Variants in ARHGEF26 observed in about 807,000 individuals in gnomAD.
ARHGEF26 encodes the protein Rho guanine nucleotide exchange factor 26.
Under a neutral mutation model 89.4 loss-of-function variants are expected in ARHGEF26, and 59 were observed. The ratio of observed to expected loss-of-function variants is 0.66; its 90% CI spans 0.54 to 0.82. The LOEUF is 0.82. Among genes scored for constraint, ARHGEF26 ranks in the 40% least tolerant of loss-of-function variants. The pLI is 0.00. For synonymous variants in ARHGEF26, 500 were observed against 428.4 expected (o/e 1.17, Z -2.06); for missense variants, 1,234 against 1,085.6 (o/e 1.14, Z -1.92).
In ARHGEF26 at chr3:154,122,544, T is replaced by C; in HGVS notation, c.552T>C (p.Ser184=). ...ATGGCCTTGCCGCTAATAACGACTC[T>C]CCTGGGTCAGGTTCGCAGTCCGGCC... is the stretch of plus-strand genomic sequence containing the variant. ...TANGLAANND[S]PGSGSQSGRK... The change falls in exon 2 of 15, where the codon TCT becomes TCC. Residue 184 remains serine, a synonymous_variant. Coordinates refer to ENST00000465093, the MANE Select transcript of ARHGEF26 (RefSeq NM_015595.4). The C allele has an allele frequency of 1.9e-6, 3 of 1,613,486 alleles. No homozygotes were observed. Among genetic ancestry groups the C allele is most frequent in the Non-Finnish European group, 2.5e-6 (3 of 1,179,892 alleles).
intron 4 of ARHGEF26, among the ~76,000 whole-genome samples, chr3:154,138,506 A>G (rs955249436): frequency 6.6e-6 from 1 of 152,108 alleles, no homozygotes; most frequent in African/African-American, 2.4e-5. Context: ...TGAGTGGTAG[A>G]TCTGCCAATA....
intron 12 of ARHGEF26, among the ~76,000 whole-genome samples, chr3:154,249,130 TA>T (rs1299043235): frequency 3.3e-5 from 5 of 152,236 alleles, no homozygotes. Context: ...AACTAAGGGC[TA>T]TTTTTTTCTA....
chr3:154,143,943 G>A (rs972967266), intron 4 of ARHGEF26, among the ~76,000 whole-genome samples: 5 of 152,266 alleles, frequency 3.3e-5, no homozygotes, highest in African/African-American at 1.2e-4. Flanking sequence ...ATAAATTTTA[G>A]TCCAGGCTCA....
At chr3:154,202,869 A>C (rs1457702194) in intron 9 of ARHGEF26, among the ~76,000 whole-genome samples, 1 of 151,996 alleles carries the variant, frequency 6.6e-6, no homozygotes, top group East Asian at 1.9e-4. Context: ...ACTTCGCTGA[A>C]GTTGCCTATC....
chr3:154,250,786 T>C (rs1388604011), intron 12 of ARHGEF26, among the ~76,000 whole-genome samples: 1 of 152,242 alleles, frequency 6.6e-6, no homozygotes, highest in Admixed American at 6.5e-5. Flanking sequence ...TGAGGTATTT[T>C]GTTTTCGATT....
intron 9 of ARHGEF26, among the ~76,000 whole-genome samples, chr3:154,196,886 G>GAA (rs199937762): frequency 2.7e-4 from 37 of 138,584 alleles, no homozygotes; most frequent in African/African-American, 9.3e-4. Flanking sequence ...CTAAGAAATT[G>GAA]AAAAAAAAAA....
intron 4 of ARHGEF26, among the ~76,000 whole-genome samples, chr3:154,142,614 G>A (rs959789351): frequency 5.3e-5 from 8 of 152,066 alleles, no homozygotes; most frequent in African/African-American, 1.9e-4. Flanking sequence ...TTGTTTTGGA[G>A]TTTCTCATTC....
chr3:154,147,340 G>A (rs1422862756), intron 4 of ARHGEF26, among the ~76,000 whole-genome samples: 2 of 152,216 alleles, frequency 1.3e-5, no homozygotes, highest in Admixed American at 1.3e-4. Flanking sequence ...GAACCCAGAA[G>A]GTGGAGGCTG....
At chr3:154,191,832 G>A (rs529738210) in intron 8 of ARHGEF26, among the ~76,000 whole-genome samples, 19 of 152,282 alleles carry the variant, frequency 1.2e-4, no homozygotes, top group African/African-American at 4.6e-4. Context: ...GGTGCCCTGG[G>A]CCTTCCATTT....
In ARHGEF26 at chr3:154,229,972, C is replaced by T. The variant is rs185171402; in HGVS notation, c.2090+3962C>T. Among the ~76,000 whole-genome samples the T allele has an allele frequency of 1.6e-3, 248 of 152,302 alleles. 2 individuals carry two copies. The highest frequency in any genetic ancestry group is 2.6e-3 in the Admixed American group (40 of 15,302). ...AACTTATTATAATAAAGATGAATTA[C>T]AGACTGTACCTTCATGTATAACCTA... On this transcript the variant is annotated intron_variant, in intron 11 of 14. Coordinates refer to ENST00000465093, the MANE Select transcript of ARHGEF26 (RefSeq NM_015595.4).
chr3:154,255,629 TGA>T lies in ARHGEF26; in HGVS notation c.*159_*160del. 23 of 1,439,472 alleles carry T rather than the reference TGA, an allele frequency of 1.6e-5. No individual in the cohort carries two copies. The highest frequency in any genetic ancestry group is 2.1e-5 in the Non-Finnish European group (23 of 1,102,996). The allele number at this position is 1,439,472 out of a possible 1,614,324, so 89.2% of individuals were successfully genotyped here. On this transcript the variant is annotated 3_prime_UTR_variant, in exon 15 of 15. Coordinates refer to ENST00000465093, the MANE Select transcript of ARHGEF26 (RefSeq NM_015595.4). ...CTTGCCAGGTTGTTCTGCTCTCTCA[TGA>T]GAAGAGCTTGGATACAGTGAGTTTG... is the stretch of plus-strand genomic sequence containing the variant.
intron 4 of ARHGEF26, among the ~76,000 whole-genome samples, chr3:154,135,974 T>C (rs2108061058): frequency 6.6e-6 from 1 of 152,322 alleles, no homozygotes; most frequent in Non-Finnish European, 1.5e-5. Context: ...ATTTGCCAGC[T>C]GTGCCCTGAC....
Position 154,257,082 on chromosome 3 carries a change from A to C in ARHGEF26, c.*1609A>C. 1.5e-6 allele frequency: 2 copies of C among 1,336,536 alleles called. No individual in the cohort carries two copies. The highest frequency in any genetic ancestry group is 2.7e-5 in the East Asian group (1 of 37,058). 82.8% of individuals were successfully genotyped at this position (1,336,536 alleles called of 1,614,324 possible). On this transcript the variant is annotated 3_prime_UTR_variant, in exon 15 of 15. Coordinates refer to ENST00000465093, the MANE Select transcript of ARHGEF26 (RefSeq NM_015595.4). ...TACTGTCCGCTAACTAGTTATCCAA[A>C]TTGTAAAGCTACAGAAGCCCAGTTG...
chr3:154,191,109 TA>T (rs1713927452), intron 7 of ARHGEF26, among the ~76,000 whole-genome samples, 179 bp from the exon 8 acceptor site: 1 of 152,250 alleles, frequency 6.6e-6, no homozygotes, highest in Non-Finnish European at 1.5e-5. Flanking sequence ...GCCTTGAATA[TA>T]AAAGGCAGAC....
intron 11 of ARHGEF26, among the ~76,000 whole-genome samples, chr3:154,239,289 AGAGAGAGAGAGTGTGTGTGTGT>A (rs769132373): frequency 0.19 from 19,210 of 100,118 alleles, 1,249 homozygotes; most frequent in South Asian, 0.29. Context: ...AGAGAGAGAG[AGAGAGAGAGAGTGTGTGTGTGT>A]GTGTGTGTGT....
At chr3:154,177,522 A>G (rs1433100442) in intron 6 of ARHGEF26, among the ~76,000 whole-genome samples, 1 of 152,176 alleles carries the variant, frequency 6.6e-6, no homozygotes, top group East Asian at 1.9e-4. Context: ...GGTGGGGGAC[A>G]TGTTGGCTGA....
At chr3:154,234,245 A>G (rs1716978252) in intron 11 of ARHGEF26, among the ~76,000 whole-genome samples, 1 of 152,148 alleles carries the variant, frequency 6.6e-6, no homozygotes, top group South Asian at 2.1e-4. Flanking sequence ...CCTCCCCATC[A>G]CCATCCTTCC....
chr3:154,202,895 T>G (rs1241843961), intron 9 of ARHGEF26, among the ~76,000 whole-genome samples: 1 of 152,196 alleles, frequency 6.6e-6, no homozygotes, highest in Non-Finnish European at 1.5e-5. Context: ...AAGGAGATTT[T>G]GGGTTGAGAC....
rs1176488068 is a variant in ARHGEF26, at chr3:154,211,865, A to ATG, written c.1846-6003_1846-6002insGT. The stretch of plus-strand genomic sequence containing the variant: ...AATGTATATGTGTGTGTGTATATAT[A>ATG]TATGTGTGTGTGTGTGTGTGTATTT... On this transcript the variant is annotated intron_variant, in intron 9 of 14. Coordinates refer to ENST00000465093, the MANE Select transcript of ARHGEF26 (RefSeq NM_015595.4). Among the ~76,000 whole-genome samples the ATG allele has an allele frequency of 9.6e-4, 55 of 57,414 alleles. 1 individual carries two copies. The highest frequency in any genetic ancestry group is 4.8e-3 in the South Asian group (4 of 830). 37.7% of individuals were successfully genotyped at this position (57,414 alleles called of 152,430 possible). A position where few individuals can be genotyped will look rare whatever the true frequency, so the allele number is the denominator to read the frequency against.
Sources: gnomAD v4.1 joint callset for allele counts (sites outside exome capture counted in the v4.1 genomes callset) on GRCh38, gnomAD v4.1.1 for gene constraint, MANE v1.5 for transcripts, NCBI Gene and HGNC (gene_info 2026-07-23, HGNC 2026-07-21) for gene names.